The following GRM5 variants were observed in gnomAD, a reference collection of about 807,000 sequenced individuals.
GRM5 encodes the protein glutamate metabotropic receptor 5.
A neutral mutation model predicts 83.1 loss-of-function variants in GRM5; 19 were observed. The observed-to-expected ratio is 0.23, with a 90% confidence interval of 0.16 to 0.34. The LOEUF is 0.34. GRM5 is among the 10% of genes least tolerant of loss of function. The probability of loss-of-function intolerance (pLI) is 1.00; values close to 1 mark genes in which losing one functional copy is unlikely to be tolerated. For synonymous variants in GRM5, 675 were observed against 633.6 expected, an observed-to-expected ratio of 1.07 and a Z score of -0.98; for missense variants, 1,160 against 1,588.3, an observed-to-expected ratio of 0.73 and a Z score of 4.58.
chr11:88,936,525 G>A (rs1937900099), intron 2 of GRM5, among the ~76,000 whole-genome samples: 1 of 151,684 alleles, frequency 6.6e-6, no homozygotes, highest in Non-Finnish European at 1.5e-5. Flanking sequence ...GAAAAGCTGT[G>A]AAAACATGGA....
intron 4 of GRM5, among the ~76,000 whole-genome samples, chr11:88,627,366 T>G (rs899231024): frequency 6.6e-6 from 1 of 152,132 alleles, no homozygotes; most frequent in African/African-American, 2.4e-5. Flanking sequence ...TACCCTATAA[T>G]TTCTTTGTGG....
intron 2 of GRM5, among the ~76,000 whole-genome samples, chr11:89,016,596 G>A (rs533847902): frequency 2.0e-5 from 3 of 152,114 alleles, no homozygotes; most frequent in Non-Finnish European, 4.4e-5. Context: ...TCTCCTGTTT[G>A]AGAAAGGATG....
chr11:88,650,243 T>C (rs1939595385), intron 4 of GRM5, among the ~76,000 whole-genome samples: 1 of 151,776 alleles, frequency 6.6e-6, no homozygotes, highest in Non-Finnish European at 1.5e-5. Context: ...AAGTAGTAAA[T>C]GAGAGATACA....
Position 88,604,712 on chromosome 11 carries a change from C to G in GRM5, c.1394+6G>C. ...TACTCTGCAGAGGAGAATTGTAACA[C>G]AATACCTTCCTGGAGAGTCTCCATT... On this transcript the variant is annotated splice_donor_region_variant and intron_variant, in intron 5 of 9. Transcript: ENST00000305447. 6.2e-7 allele frequency: 1 copy of G among 1,608,442 alleles called. No homozygotes were observed. Among genetic ancestry groups the G allele is most frequent in the Non-Finnish European group, 8.5e-7 (1 of 1,175,092 alleles).
intron 9 of GRM5, among the ~76,000 whole-genome samples, chr11:88,524,840 A>T (rs1205261370): frequency 6.6e-6 from 1 of 152,246 alleles, no homozygotes; most frequent in East Asian, 1.9e-4. Context: ...GTTACATTCA[A>T]AGTAAGGTAT....
chr11:88,611,803 G>A (rs961999395), intron 4 of GRM5, among the ~76,000 whole-genome samples: 2 of 151,476 alleles, frequency 1.3e-5, no homozygotes, highest in Admixed American at 6.6e-5. Flanking sequence ...TCCTTTCCTG[G>A]GTGTGATGTT....
At chr11:88,730,766 G>T (rs535835779) in intron 3 of GRM5, among the ~76,000 whole-genome samples, 1 of 152,122 alleles carries the variant, frequency 6.6e-6, no homozygotes, top group East Asian at 1.9e-4. Flanking sequence ...ACGAACACAC[G>T]AACAGAAAAC....
intron 4 of GRM5, among the ~76,000 whole-genome samples, chr11:88,633,892 G>T (rs994997979): frequency 2.0e-5 from 3 of 152,090 alleles, no homozygotes; most frequent in African/African-American, 7.2e-5. Flanking sequence ...TCTGAGAAAG[G>T]TGCTGTTAGG....
chr11:89,035,956 A>G (rs1251055890), intron 2 of GRM5, among the ~76,000 whole-genome samples: 4 of 152,100 alleles, frequency 2.6e-5, no homozygotes, highest in African/African-American at 9.7e-5. Flanking sequence ...AAGTAAAGGC[A>G]CATAAGCATG....
rs1421934371 is a variant in GRM5 at position 88,506,961 on chromosome 11, T to C, written c.*1631A>G. The C allele has an allele frequency of 7.0e-6, 1 of 142,328 alleles. No individual in the cohort carries two copies. Among genetic ancestry groups the C allele is most frequent in the East Asian group, 1.9e-4 (1 of 5,202 alleles). 8.8% of individuals were successfully genotyped at this position (142,328 alleles called of 1,614,324 possible). On this transcript the variant is annotated 3_prime_UTR_variant, in exon 10 of 10. Transcript: ENST00000305447. ...ATATTTTTCATAAGGCTATCTTAAG[T>C]ATAAGGCTGGGTCAACTGAACTTTA...
chr11:88,624,049 T>G (rs1001515026), intron 4 of GRM5, among the ~76,000 whole-genome samples: 1 of 152,242 alleles, frequency 6.6e-6, no homozygotes, highest in African/African-American at 2.4e-5. Flanking sequence ...AATTCAACTA[T>G]TGATTTTCAT....
At chr11:88,585,306 G>A (rs887558610) in intron 7 of GRM5, among the ~76,000 whole-genome samples, 2 of 152,044 alleles carry the variant, frequency 1.3e-5, no homozygotes, top group African/African-American at 4.8e-5. Flanking sequence ...TCTATTTTTA[G>A]TTACAGGGGC....
intron 3 of GRM5, among the ~76,000 whole-genome samples, chr11:88,773,469 G>T (rs972710798): frequency 1.3e-5 from 2 of 152,104 alleles, no homozygotes; most frequent in African/African-American, 4.8e-5. Context: ...GATGCCATTT[G>T]TCTATTTTGG....
rs554070061 is a variant in GRM5, at chr11:88,750,788, C to T, written c.912-97385G>A. Among the ~76,000 whole-genome samples, 3 of 152,108 alleles carry T rather than the reference C, an allele frequency of 2.0e-5. No homozygotes were observed. The South Asian group carries it at 6.2e-4, about 32-fold the overall frequency. On this transcript the variant is annotated intron_variant, in intron 3 of 9. Coordinates refer to ENST00000305447, the MANE Select transcript of GRM5 (RefSeq NM_001143831.3). ...AAGAAATTCACTGAAAACCACACAC[C>T]TACATGAAAATTGAACAACCTCTTC...
At chr11:88,536,996 T>G (rs1196609555) in intron 8 of GRM5, among the ~76,000 whole-genome samples, 2 of 152,162 alleles carry the variant, frequency 1.3e-5, no homozygotes, top group Admixed American at 6.5e-5. Context: ...AGCTTCACAA[T>G]TTGGTCAAGA....
chr11:89,025,516 T>C (rs1433167389), intron 2 of GRM5, among the ~76,000 whole-genome samples: 5 of 152,230 alleles, frequency 3.3e-5, no homozygotes, highest in Admixed American at 2.0e-4. Flanking sequence ...AAGTGATCTA[T>C]GCTTACAAAA....
At chr11:89,009,930 A>AAAAC (rs1316250515) in intron 2 of GRM5, among the ~76,000 whole-genome samples, 31 of 100,140 alleles carry the variant, frequency 3.1e-4, no homozygotes, top group African/African-American at 8.9e-4. Flanking sequence ...AAAAAAAAAA[A>AAAAC]CACACACAAA....
At chr11:88,629,259 A>G (rs1191049730) in intron 4 of GRM5, among the ~76,000 whole-genome samples, 1 of 152,182 alleles carries the variant, frequency 6.6e-6, no homozygotes. Flanking sequence ...CTTCTTTAGT[A>G]GAATTCCATG....
chr11:88,902,622 G>T (rs1945330127), intron 2 of GRM5, among the ~76,000 whole-genome samples: 1 of 152,066 alleles, frequency 6.6e-6, no homozygotes, highest in East Asian at 1.9e-4. Context: ...TTCTCTCAAA[G>T]GGAGAAAGAC....
Sources: gnomAD v4.1 joint callset for allele counts (sites outside exome capture counted in the v4.1 genomes callset) on GRCh38, gnomAD v4.1.1 for gene constraint, MANE v1.5 for transcripts, NCBI Gene and HGNC (gene_info 2026-07-23, HGNC 2026-07-21) for gene names.